The following MARF1 variants were observed in gnomAD, a reference collection of about 807,000 sequenced individuals.
The protein encoded by MARF1 is limkain-b1.
A neutral mutation model predicts 168.2 loss-of-function variants in MARF1; 24 were observed. The ratio of observed to expected loss-of-function variants is 0.14; its 90% CI spans 0.10 to 0.20. The LOEUF is 0.20. Ranked by LOEUF, MARF1 falls within the 10% of genes least tolerant of loss-of-function variation. The pLI is 1.00. For missense variants in MARF1, 1,744 were observed against 2,143.6 expected (o/e 0.81, Z 3.68); for synonymous variants, 868 against 822.4 (o/e 1.06, Z -0.95).
chr16:15,625,779 C>T lies in MARF1; in HGVS notation c.1546G>A (p.Val516Ile). 6.2e-7 allele frequency: 1 copy of T among 1,613,760 alleles called. No individual in the cohort carries two copies. The highest frequency in any genetic ancestry group is 8.5e-7 in the Non-Finnish European group (1 of 1,179,952). The stretch of plus-strand genomic sequence containing the variant: ...TCCTTATTTGCTGGTAGGTTATAAA[C>T]ATAGAGCAGAGTGTGGCACTGCTAA... ...KMPQCHTLLYVYNLPANKDGK... is the reference protein window; with the variant it reads ...KMPQCHTLLYIYNLPANKDGK... Residue 516 changes from valine (V) to isoleucine (I), a missense_variant, in exon 8 of 27, where the codon GTT becomes ATT. By Grantham distance (29) the Val-to-Ile change is conservative. Coordinates refer to ENST00000396368, the MANE Select transcript of MARF1 (RefSeq NM_014647.4).
At position 15,604,414 on chromosome 16, in the gene MARF1, AT is replaced by A. The variant is rs1360704621; in HGVS notation, c.4183-17del. The A allele has an allele frequency of 6.3e-7, 1 of 1,587,424 alleles. No individual in the cohort carries two copies. ...TATCGGCAACCTGGGGAAAACGAGA[AT>A]TCACACTTTTCAGAGCTCAAGAGAG... On this transcript the variant is annotated splice_polypyrimidine_tract_variant and intron_variant, in intron 21 of 26. Coordinates refer to ENST00000396368, the MANE Select transcript of MARF1 (RefSeq NM_014647.4).
rs889409139 is a variant in MARF1 at position 15,595,283 on chromosome 16, T to A, written c.*1410A>T. On this transcript the variant is annotated 3_prime_UTR_variant, in exon 27 of 27. Transcript: ENST00000396368. ...AATCTGACTTGTAAAAATCTCTCTATAGCCCTTATTTTGTGGCATTTTATC... is the reference window on the plus strand; with the variant it reads ...AATCTGACTTGTAAAAATCTCTCTAAAGCCCTTATTTTGTGGCATTTTATC... 2 of 152,578 alleles carry A rather than the reference T, an allele frequency of 1.3e-5. No individual in the cohort carries two copies. Among genetic ancestry groups the A allele is most frequent in the African/African-American group, 4.8e-5 (2 of 41,438 alleles). The allele number at this position is 152,578 out of a possible 1,614,324, so 9.5% of individuals were successfully genotyped here. A position where few individuals can be genotyped will look rare whatever the true frequency, so the allele number is the denominator to read the frequency against.
At chr16:15,611,252 A>G in intron 18 of MARF1, 144 bp from the exon 19 acceptor site, 1 of 732,336 alleles carries the variant, frequency 1.4e-6, no homozygotes, top group Non-Finnish European at 2.2e-6. Flanking sequence ...AGGTCAAGAG[A>G]TCGCGACCAT....
intron 21 of MARF1, 36 bp from the exon 22 acceptor site, chr16:15,604,434 A>C: frequency 7.5e-4 from 1,096 of 1,459,834 alleles, no homozygotes; most frequent in Non-Finnish European, 9.6e-4. Flanking sequence ...TTCAGAGCTC[A>C]AGAGAGACAC....
rs530927387 is a variant in MARF1 at position 15,608,535 on chromosome 16, G to T, written c.3955-17C>A. 16 of 1,560,380 alleles carry T rather than the reference G, an allele frequency of 1.0e-5. No homozygotes were observed. The East Asian group carries it at 1.6e-4, about 15-fold the overall frequency. On this transcript the variant is annotated splice_polypyrimidine_tract_variant and intron_variant, in intron 20 of 26. Transcript: ENST00000396368. The stretch of plus-strand genomic sequence containing the variant: ...TTCCAATACCTTTGAAAACACACGG[G>T]GGGAGGAAAGGGAAAATAAACAAAT...
At chr16:15,608,834 T>C (rs578094714) in intron 20 of MARF1, 53 of 367,470 alleles carry the variant, frequency 1.4e-4, no homozygotes, top group Non-Finnish European at 2.3e-4. Context: ...CAACAGAAAT[T>C]TGGTTTAACT....
chr16:15,626,879 G>T (rs1269073580), intron 7 of MARF1, among the ~76,000 whole-genome samples: 1 of 149,968 alleles, frequency 6.7e-6, no homozygotes, highest in Non-Finnish European at 1.5e-5. Context: ...AGAATAATTT[G>T]CCTGAACCCA....
chr16:15,616,819 G>C (rs1228425287), intron 15 of MARF1: 1 of 501,184 alleles, frequency 2.0e-6, no homozygotes, highest in Non-Finnish European at 3.5e-6. Context: ...TCATCGAAAG[G>C]TCTAGTGAAA....
At chr16:15,638,953 A>G in intron 2 of MARF1, 137 bp downstream of exon 2, 2 of 722,080 alleles carry the variant, frequency 2.8e-6, no homozygotes, top group South Asian at 5.0e-5. Flanking sequence ...AATGTGGTAT[A>G]AGAGGCAATA....
intron 10 of MARF1, among the ~76,000 whole-genome samples, 179 bp from the exon 11 acceptor site, chr16:15,623,302 C>CA (rs1212137426): frequency 3.6e-5 from 2 of 55,238 alleles, no homozygotes; most frequent in African/African-American, 1.5e-4. Context: ...TTTTTTGAGA[C>CA]AGAGTCTCGC....
chr16:15,600,476 G>C lies in MARF1; in HGVS notation c.4765C>G (p.Pro1589Ala), dbSNP rs1432648385. ...AGTTCCGAGGCTGTGTGCGATTCGG[G>C]CACCTCCAGGATGCGCTCGCCCTCC... ...PSEGERILEV[P>A]ESHTASELKL... The change falls in exon 25 of 27, where the codon CCC (proline) becomes GCC (alanine). Residue 1589 changes from proline (P) to alanine (A), a missense_variant. Pro to Ala is a conservative substitution (Grantham distance 27). Around this residue, in one of 7 missense-constraint regions of MARF1, gnomAD observed 313 missense variants for 337.4 expected, o/e 0.93. Transcript: ENST00000396368. 3.7e-6 allele frequency: 6 copies of C among 1,614,142 alleles called. No homozygotes were observed. The highest frequency in any genetic ancestry group is 5.1e-6 in the Non-Finnish European group (6 of 1,180,028).
intron 19 of MARF1, 74 bp from the exon 20 acceptor site, chr16:15,609,799 A>AT: frequency 8.0e-7 from 1 of 1,247,758 alleles, no homozygotes; most frequent in South Asian, 1.3e-5. Flanking sequence ...ACACTAGAGT[A>AT]AATCCTTTTG....
At chr16:15,607,058 G>A (rs1461920042) in intron 21 of MARF1, among the ~76,000 whole-genome samples, 2 of 152,138 alleles carry the variant, frequency 1.3e-5, no homozygotes, top group Admixed American at 6.6e-5. Flanking sequence ...CTGGAAGTCA[G>A]GCAGTCCCTC....
chr16:15,638,915 A>G (rs1008095408), intron 2 of MARF1, among the ~76,000 whole-genome samples, 175 bp downstream of exon 2: 1 of 152,262 alleles, frequency 6.6e-6, no homozygotes, highest in Non-Finnish European at 1.5e-5. Flanking sequence ...TAGAAGAGTT[A>G]AAAAATTGTG....
chr16:15,636,404 A>T (rs1283534306), intron 2 of MARF1, 62 bp from the exon 3 acceptor site: 1 of 1,216,002 alleles, frequency 8.2e-7, no homozygotes, highest in Non-Finnish European at 1.2e-6. Flanking sequence ...TTGGTTACTC[A>T]TATCTTACTG....
At chr16:15,616,813 C>A (rs1212494784) in intron 15 of MARF1, 3 of 476,202 alleles carry the variant, frequency 6.3e-6, no homozygotes, top group Non-Finnish European at 1.1e-5. Context: ...ATCTAATCAT[C>A]GAAAGGTCTA....
chr16:15,616,354 G>A (rs1254960294), intron 15 of MARF1, among the ~76,000 whole-genome samples: 1 of 152,194 alleles, frequency 6.6e-6, no homozygotes, highest in Non-Finnish European at 1.5e-5. Context: ...GTGGCTCATG[G>A]AGTGATTAAA....
chr16:15,597,447 C>T (rs927255499), intron 26 of MARF1, among the ~76,000 whole-genome samples: 4 of 152,198 alleles, frequency 2.6e-5, no homozygotes, highest in African/African-American at 9.7e-5. Context: ...TGAGAATTAC[C>T]CTCAGAACCC....
intron 16 of MARF1, 36 bp from the exon 17 acceptor site, chr16:15,612,813 C>G (rs1324891723): frequency 6.4e-7 from 1 of 1,558,392 alleles, no homozygotes. Context: ...ACAGAAAGCA[C>G]AGATTTCACC....
Sources: gnomAD v4.1 joint callset for allele counts (sites outside exome capture counted in the v4.1 genomes callset) on GRCh38, gnomAD v4.1.1 for gene constraint, gnomAD v4.1.1 regional missense constraint, MANE v1.5 for transcripts, NCBI Gene and HGNC (gene_info 2026-07-23, HGNC 2026-07-21) for gene names.